The following UTRN variants were observed in gnomAD, a reference collection of about 807,000 sequenced individuals.
The protein encoded by UTRN is dystrophin-related protein 1.
A neutral mutation model predicts 463.9 loss-of-function variants in UTRN; 283 were observed. The observed-to-expected ratio is 0.61, with a 90% CI of 0.55 to 0.67. UTRN has a LOEUF of 0.67. UTRN is among the 30% of genes least tolerant of loss of function. UTRN has a pLI of 0.00. For synonymous variants in UTRN, 1,442 were observed against 1,431.5 expected (o/e 1.01, Z -0.17); for missense variants, 3,922 against 4,084.3 (o/e 0.96, Z 1.08).
At chr6:144,317,811 G>A (rs929925975) in intron 2 of UTRN, among the ~76,000 whole-genome samples, 1 of 152,092 alleles carries the variant, frequency 6.6e-6, no homozygotes, top group African/African-American at 2.4e-5. Context: ...TCCTGTCAAG[G>A]AACCCTTTGA....
At chr6:144,459,756 G>A (rs928617944) in intron 21 of UTRN, among the ~76,000 whole-genome samples, 2 of 151,936 alleles carry the variant, frequency 1.3e-5, no homozygotes, top group Non-Finnish European at 2.9e-5. Flanking sequence ...ATGCCTGGCT[G>A]GTTTTTTATT....
intron 13 of UTRN, among the ~76,000 whole-genome samples, chr6:144,442,928 G>A (rs6929203): frequency 0.053 from 7,997 of 152,222 alleles, 663 homozygotes; most frequent in African/African-American, 0.17. Context: ...TCTAGGTGAG[G>A]GAGGGATGCA....
chr6:144,514,963 G>A, intron 37 of UTRN, 143 bp downstream of exon 37: 1 of 924,932 alleles, frequency 1.1e-6, no homozygotes, highest in Non-Finnish European at 1.5e-6. Context: ...CTGGAGTGCA[G>A]TGGCATGAGC....
At chr6:144,538,192 A>C (rs1199951130) in intron 44 of UTRN, among the ~76,000 whole-genome samples, 1 of 152,176 alleles carries the variant, frequency 6.6e-6, no homozygotes, top group Non-Finnish European at 1.5e-5. Context: ...GTTGGTTTGC[A>C]ACTAACAAGT....
At chr6:144,476,422 G>A (rs1791206613) in intron 25 of UTRN, among the ~76,000 whole-genome samples, 1 of 152,064 alleles carries the variant, frequency 6.6e-6, no homozygotes, top group Non-Finnish European at 1.5e-5. Context: ...TGAAAATAAA[G>A]AAGAGACCTA....
chr6:144,357,007 G>A (rs1001017129), intron 2 of UTRN, among the ~76,000 whole-genome samples: 1 of 152,042 alleles, frequency 6.6e-6, no homozygotes, highest in Non-Finnish European at 1.5e-5. Context: ...CTCAGAATTT[G>A]TTGGAGACCC....
intron 51 of UTRN, among the ~76,000 whole-genome samples, chr6:144,608,546 A>G (rs1047275168): frequency 6.6e-6 from 1 of 152,158 alleles, no homozygotes; most frequent in Non-Finnish European, 1.5e-5. Flanking sequence ...TAAGCGGAAC[A>G]GTTTTCTTTG....
chr6:144,711,785 AG>A (rs1785742061), intron 53 of UTRN, among the ~76,000 whole-genome samples: 1 of 152,224 alleles, frequency 6.6e-6, no homozygotes, highest in Non-Finnish European at 1.5e-5. Context: ...TCTTTCCCTC[AG>A]GGCTACTCTG....
rs1784859220 is a variant in UTRN at position 144,421,817 on chromosome 6, G to A, written c.142-61G>A. The A allele has an allele frequency of 3.7e-6, 5 of 1,345,644 alleles. No homozygotes were observed. The South Asian group carries it at 5.4e-5, about 15-fold the overall frequency. The allele number at this position is 1,345,644 out of a possible 1,614,324, so 83.4% of individuals were successfully genotyped here. On this transcript the variant is annotated intron_variant, in intron 3 of 74. Coordinates refer to ENST00000367545, the MANE Select transcript of UTRN (RefSeq NM_007124.3). ...TGAAGCCACTCATTTATTTGCCCAG[G>A]TATATATGGAGTTTCTGCTGTTGGC... is the stretch of plus-strand genomic sequence containing the variant.
At chr6:144,453,905 G>A (rs1788568001) in intron 19 of UTRN, 36 bp downstream of exon 19, 1 of 1,574,066 alleles carries the variant, frequency 6.4e-7, no homozygotes, top group Non-Finnish European at 8.7e-7. Context: ...ATATTTTTCA[G>A]ATGGTGGCAT....
At chr6:144,393,907 C>T (rs1477715777) in intron 2 of UTRN, among the ~76,000 whole-genome samples, 1 of 152,080 alleles carries the variant, frequency 6.6e-6, no homozygotes, top group African/African-American at 2.4e-5. Flanking sequence ...TCTCTTTGAC[C>T]CATGAGTTTT....
intron 55 of UTRN, among the ~76,000 whole-genome samples, chr6:144,751,392 T>C (rs1202336736): frequency 6.6e-6 from 1 of 152,210 alleles, no homozygotes; most frequent in Non-Finnish European, 1.5e-5. Flanking sequence ...AAACAATGAC[T>C]TTTTGGTTCT....
intron 2 of UTRN, among the ~76,000 whole-genome samples, chr6:144,391,356 C>T (rs1432097254): frequency 6.6e-6 from 1 of 152,186 alleles, no homozygotes; most frequent in East Asian, 1.9e-4. Flanking sequence ...CAGATGTGAG[C>T]CACTTGCCTG....
At chr6:144,412,790 C>CAG (rs1381916055) in intron 3 of UTRN, among the ~76,000 whole-genome samples, 3 of 141,366 alleles carry the variant, frequency 2.1e-5, no homozygotes, top group African/African-American at 5.6e-5. Flanking sequence ...CACACACACA[C>CAG]AGTAAACAAT....
chr6:144,435,830 T>C, intron 9 of UTRN, 105 bp from the exon 10 acceptor site: 1 of 1,268,248 alleles, frequency 7.9e-7, no homozygotes, highest in Non-Finnish European at 1.1e-6. Flanking sequence ...GATTAGTGCC[T>C]AAGACAGAGT....
intron 61 of UTRN, among the ~76,000 whole-genome samples, chr6:144,788,021 A>G (rs1776433053): frequency 6.6e-6 from 1 of 152,156 alleles, no homozygotes; most frequent in Non-Finnish European, 1.5e-5. Flanking sequence ...TACTGTGACT[A>G]ACATTTGGTA....
intron 19 of UTRN, 111 bp from the exon 20 acceptor site, chr6:144,458,659 A>G: frequency 2.3e-6 from 3 of 1,304,312 alleles, no homozygotes; most frequent in Non-Finnish European, 3.1e-6. Flanking sequence ...TAAGAAAGTG[A>G]TCATTATGTG....
chr6:144,810,244 G>C (rs906183605), intron 65 of UTRN, among the ~76,000 whole-genome samples: 2 of 152,118 alleles, frequency 1.3e-5, no homozygotes, highest in South Asian at 4.1e-4. Context: ...ATCTTGCTAC[G>C]TCTGCTGTTT....
chr6:144,407,056 C>T (rs1783485683), intron 3 of UTRN, among the ~76,000 whole-genome samples: 1 of 151,910 alleles, frequency 6.6e-6, no homozygotes, highest in Admixed American at 6.6e-5. Context: ...TGAAGGATCT[C>T]TTTTCTGAGC....
Sources: gnomAD v4.1 joint callset for allele counts (sites outside exome capture counted in the v4.1 genomes callset) on GRCh38, gnomAD v4.1.1 for gene constraint, MANE v1.5 for transcripts, NCBI Gene and HGNC (gene_info 2026-07-23, HGNC 2026-07-21) for gene names.